The following ERC2 variants were observed in gnomAD, a reference collection of about 807,000 sequenced individuals.
ERC2 encodes the protein ELKS/RAB6-interacting/CAST family member 2.
ERC2 carries 42 observed loss-of-function variants against 114.8 expected under a neutral mutation model. That is an observed-to-expected ratio of 0.37 (90% confidence interval 0.29 to 0.47). The LOEUF (loss-of-function observed/expected upper bound fraction) is 0.47, where lower values mean the gene tolerates loss of function less well. ERC2 is among the 20% of genes least tolerant of loss of function. The probability of loss-of-function intolerance (pLI) is 0.99; values close to 1 mark genes in which losing one functional copy is unlikely to be tolerated. For missense variants in ERC2, 939 were observed against 1,150.7 expected (o/e 0.82, Z 2.66); for synonymous variants, 454 against 425.5 (o/e 1.07, Z -0.82).
intron 17 of ERC2, among the ~76,000 whole-genome samples, chr3:55,511,751 A>C (rs1280645655): frequency 6.6e-6 from 1 of 152,220 alleles, no homozygotes; most frequent in African/African-American, 2.4e-5. Flanking sequence ...TTAAAAACCA[A>C]CCAAACATAA....
chr3:56,376,677 C>T (rs1050203777), intron 2 of ERC2, among the ~76,000 whole-genome samples: 3 of 151,552 alleles, frequency 2.0e-5, no homozygotes, highest in African/African-American at 7.3e-5. Flanking sequence ...GCAGGAGAAC[C>T]GCTTGAATCC....
chr3:55,583,875 T>C (rs377372326), intron 17 of ERC2, among the ~76,000 whole-genome samples: 5 of 54,866 alleles, frequency 9.1e-5, no homozygotes, highest in African/African-American at 2.7e-4. Flanking sequence ...TCCAACCACA[T>C]GCCAACTTGC....
intron 14 of ERC2, among the ~76,000 whole-genome samples, chr3:55,834,354 T>C (rs1339692414): frequency 6.6e-6 from 1 of 152,134 alleles, no homozygotes; most frequent in Non-Finnish European, 1.5e-5. Flanking sequence ...GACCACACAG[T>C]TGGAAGTAAA....
intron 17 of ERC2, among the ~76,000 whole-genome samples, chr3:55,597,575 T>C (rs1362622279): frequency 6.6e-6 from 1 of 152,178 alleles, no homozygotes; most frequent in Non-Finnish European, 1.5e-5. Context: ...CGGTAGTTCT[T>C]CTCATTCCCA....
chr3:55,985,834 C>G (rs954279035), intron 12 of ERC2, 143 bp downstream of exon 12: 2 of 707,972 alleles, frequency 2.8e-6, no homozygotes, highest in African/African-American at 1.8e-5. Context: ...AATAAACCTT[C>G]CCAAGGCATG....
chr3:56,136,056 C>G (rs1159540055), intron 6 of ERC2, among the ~76,000 whole-genome samples: 2 of 152,166 alleles, frequency 1.3e-5, no homozygotes, highest in African/African-American at 4.8e-5. Context: ...TTATTGCACA[C>G]ATGTCAGAGT....
intron 4 of ERC2, among the ~76,000 whole-genome samples, chr3:56,153,834 T>C (rs1675683711): frequency 1.3e-5 from 2 of 152,140 alleles, no homozygotes; most frequent in African/African-American, 4.8e-5. Context: ...GAATTACTGG[T>C]TTCATTTTAA....
At position 55,649,082 on chromosome 3, in the gene ERC2, A is replaced by G. The variant is rs188106098; in HGVS notation, c.*39+34712T>C. ...GAGTGTCCTGAGGAACAAAAGTTCT[A>G]CAAGTCATCCTTCCCCAAACATTCC... is the stretch of plus-strand genomic sequence containing the variant. On this transcript the variant is annotated intron_variant, in intron 17 of 17. Transcript: ENST00000288221. Among the ~76,000 whole-genome samples, 11 of 152,252 alleles carry G rather than the reference A, an allele frequency of 7.2e-5. No individual in the cohort carries two copies. The East Asian group carries it at 1.9e-3, about 27-fold the overall frequency.
chr3:56,098,054 T>C (rs1219380751), intron 6 of ERC2, among the ~76,000 whole-genome samples: 1 of 151,970 alleles, frequency 6.6e-6, no homozygotes, highest in Non-Finnish European at 1.5e-5. Flanking sequence ...ACACAAGAAA[T>C]ACCCAGAAAT....
intron 3 of ERC2, among the ~76,000 whole-genome samples, chr3:56,234,583 C>T (rs979159062): frequency 6.6e-6 from 1 of 152,176 alleles, no homozygotes. Flanking sequence ...TGTCTTAGTA[C>T]ATTTTGCATG....
At position 55,519,331 on chromosome 3, in the gene ERC2, A is replaced by G. The variant is rs138213245; in HGVS notation, c.*40-8055T>C. Among the ~76,000 whole-genome samples the G allele has an allele frequency of 1.3e-3, 203 of 152,274 alleles. 2 individuals are homozygous for G. The highest frequency in any genetic ancestry group is 6.8e-3 in the Middle Eastern group (2 of 294). On this transcript the variant is annotated intron_variant, in intron 17 of 17. Transcript: ENST00000288221. ...CAGTTCTGAAGCTCAGCTCCATGAG[A>G]AAGGGGATACTTGACATCATCTGAA...
chr3:56,284,677 TAGTG>T (rs1369645055), intron 3 of ERC2, among the ~76,000 whole-genome samples: 1 of 152,158 alleles, frequency 6.6e-6, no homozygotes, highest in East Asian at 1.9e-4. Flanking sequence ...TGCCAATTAA[TAGTG>T]AGAGTCCAGT....
chr3:55,533,524 C>A (rs1421839848), intron 17 of ERC2, among the ~76,000 whole-genome samples: 1 of 152,162 alleles, frequency 6.6e-6, no homozygotes, highest in Non-Finnish European at 1.5e-5. Context: ...CCATCCAAAC[C>A]CCGAGTCCAC....
intron 2 of ERC2, among the ~76,000 whole-genome samples, chr3:56,349,631 G>C (rs921996217): frequency 6.6e-6 from 1 of 152,196 alleles, no homozygotes; most frequent in African/African-American, 2.4e-5. Context: ...TCAGGGGCCA[G>C]GCGCGTGGCT....
At chr3:56,020,615 G>A (rs1410103198) in intron 7 of ERC2, among the ~76,000 whole-genome samples, 1 of 152,164 alleles carries the variant, frequency 6.6e-6, no homozygotes, top group Non-Finnish European at 1.5e-5. Flanking sequence ...GAAGCCAGCA[G>A]CTGAGAGGAC....
intron 13 of ERC2, among the ~76,000 whole-genome samples, chr3:55,945,152 G>A (rs2067046907): frequency 6.6e-6 from 1 of 152,160 alleles, no homozygotes; most frequent in Admixed American, 6.5e-5. Context: ...ACCTGGGTTA[G>A]GATGACCTTT....
At chr3:56,252,957 C>A (rs953186556) in intron 3 of ERC2, among the ~76,000 whole-genome samples, 1 of 151,936 alleles carries the variant, frequency 6.6e-6, no homozygotes, top group Non-Finnish European at 1.5e-5. Flanking sequence ...TTATGGGCAC[C>A]CCAGGGAACC....
intron 2 of ERC2, among the ~76,000 whole-genome samples, chr3:56,417,387 T>C (rs2061209913): frequency 6.6e-6 from 1 of 151,730 alleles, no homozygotes; most frequent in Non-Finnish European, 1.5e-5. Flanking sequence ...TTTTTTTTTA[T>C]TTTTTGCACA....
At chr3:55,868,343 A>G (rs1042926973) in intron 14 of ERC2, among the ~76,000 whole-genome samples, 9 of 152,216 alleles carry the variant, frequency 5.9e-5, no homozygotes, top group Non-Finnish European at 1.2e-4. Flanking sequence ...AATCCACTGG[A>G]TTCCTGTAAA....
Sources: allele counts gnomAD v4.1 joint callset (sites outside exome capture counted in the v4.1 genomes callset), GRCh38; gene constraint gnomAD v4.1.1; transcripts MANE v1.5; gene names NCBI Gene and HGNC (gene_info 2026-07-23, HGNC 2026-07-21).